The following ST3GAL2 variants were observed in gnomAD, a reference collection of about 807,000 sequenced individuals.
ST3GAL2 encodes ST3 beta-galactoside alpha-2,3-sialyltransferase 2, also known as CMP-N-acetylneuraminate-beta-galactosamide-alpha-2,3-sialyltransferase 2.
Under a neutral mutation model 37.5 loss-of-function variants are expected in ST3GAL2, and 16 were observed. That is an observed-to-expected ratio of 0.43 (90% confidence interval 0.29 to 0.65). ST3GAL2 has a LOEUF of 0.65. Among genes scored for constraint, ST3GAL2 ranks in the 30% least tolerant of loss-of-function variants. The pLI is 0.17. For missense variants in ST3GAL2, 383 were observed against 487.8 expected, an observed-to-expected ratio of 0.79 and a Z score of 2.02; for synonymous variants, 238 against 202.9, an observed-to-expected ratio of 1.17 and a Z score of -1.47.
rs1450606123 is a variant in ST3GAL2, at chr16:70,377,962, A to AATT, written c.*3726_*3727insAAT. 6.6e-6 allele frequency: 1 copy of AATT among 152,242 alleles called. No homozygotes were observed. The highest frequency in any genetic ancestry group is 1.5e-5 in the Non-Finnish European group (1 of 68,046). 9.4% of individuals were successfully genotyped at this position (152,242 alleles called of 1,614,324 possible). A position where few individuals can be genotyped will look rare whatever the true frequency, so the allele number is the denominator to read the frequency against. Reference sequence around the variant, plus strand: ...TAACTTCCCTTCCCACAACGTCACTAAAGCTATGGGAAAGGAATGAAAAAG... The same window carrying AATT: ...TAACTTCCCTTCCCACAACGTCACTAATTAAGCTATGGGAAAGGAATGAAAAAG... On this transcript the variant is annotated 3_prime_UTR_variant, in exon 7 of 7. Transcript: ENST00000342907.
intron 1 of ST3GAL2, among the ~76,000 whole-genome samples, chr16:70,412,574 G>A (rs2047646550): frequency 6.6e-6 from 1 of 152,146 alleles, no homozygotes; most frequent in Non-Finnish European, 1.5e-5. Flanking sequence ...AGCCTGGCAG[G>A]TCAAGGCCAC....
chr16:70,394,208 G>A (rs922296573), intron 3 of ST3GAL2, among the ~76,000 whole-genome samples: 2 of 152,164 alleles, frequency 1.3e-5, no homozygotes, highest in African/African-American at 4.8e-5. Flanking sequence ...GGGAATGAAT[G>A]AGCCCTAGAG....
At chr16:70,388,292 C>T (rs1170838447) in intron 4 of ST3GAL2, 75 bp downstream of exon 4, 2 of 1,579,096 alleles carry the variant, frequency 1.3e-6, no homozygotes, top group East Asian at 4.5e-5. Flanking sequence ...AGGAATCCTA[C>T]AATCTGGCCC....
At chr16:70,410,786 A>G (rs1192685441) in intron 1 of ST3GAL2, among the ~76,000 whole-genome samples, 3 of 148,502 alleles carry the variant, frequency 2.0e-5, no homozygotes, top group Non-Finnish European at 4.5e-5. Context: ...AAAAAAAAAA[A>G]TTAAAAGCCC....
At chr16:70,420,614 A>G (rs2047708530) in intron 1 of ST3GAL2, among the ~76,000 whole-genome samples, 1 of 152,232 alleles carries the variant, frequency 6.6e-6, no homozygotes, top group Non-Finnish European at 1.5e-5. Flanking sequence ...TGGAAGGGGA[A>G]TAACAGGGCA....
rs570307081 is a variant in ST3GAL2, at chr16:70,381,144, G to A, written c.*545C>T. ...GCAGCCATCCCACAGCGCGGCCGAG[G>A]TGGGACTGGGGGTCCCGCAGCGACC... On this transcript the variant is annotated 3_prime_UTR_variant, in exon 7 of 7. Transcript: ENST00000342907. 13 of 152,606 alleles carry A rather than the reference G, an allele frequency of 8.5e-5. No individual in the cohort carries two copies. In the East Asian group the frequency reaches 2.3e-3, roughly 27 times the overall value. The allele number at this position is 152,606 out of a possible 1,614,324, so 9.5% of individuals were successfully genotyped here.
chr16:70,425,650 T>C (rs762329375), intron 1 of ST3GAL2, among the ~76,000 whole-genome samples: 10 of 150,740 alleles, frequency 6.6e-5, no homozygotes, highest in East Asian at 1.9e-4. Flanking sequence ...ACCCGAGAGG[T>C]GGAAGCTGCA....
intron 6 of ST3GAL2, 137 bp from the exon 7 acceptor site, chr16:70,381,999 A>G (rs1323711562): frequency 1.0e-6 from 1 of 974,754 alleles, no homozygotes; most frequent in East Asian, 2.5e-5. Flanking sequence ...GCCTAAGGAC[A>G]TGGACTCACA....
At chr16:70,385,821 A>C (rs2047439160) in intron 4 of ST3GAL2, among the ~76,000 whole-genome samples, 1 of 141,674 alleles carries the variant, frequency 7.1e-6, no homozygotes, top group Non-Finnish European at 1.5e-5. Flanking sequence ...CGATCCTCCC[A>C]CCTCATCCTT....
intron 1 of ST3GAL2, among the ~76,000 whole-genome samples, chr16:70,413,250 C>T (rs915518884): frequency 2.9e-5 from 3 of 104,868 alleles, no homozygotes; most frequent in Admixed American, 2.0e-4. Context: ...AACTCTGTCT[C>T]AAAAAAAAAA....
chr16:70,394,820 T>A (rs941211686), intron 3 of ST3GAL2, among the ~76,000 whole-genome samples, 162 bp downstream of exon 3: 1 of 152,044 alleles, frequency 6.6e-6, no homozygotes, highest in Admixed American at 6.6e-5. Context: ...CCCAAACAGG[T>A]AAAGGAGAGA....
intron 1 of ST3GAL2, among the ~76,000 whole-genome samples, chr16:70,419,289 G>C (rs939579051): frequency 6.6e-6 from 1 of 152,240 alleles, no homozygotes; most frequent in Non-Finnish European, 1.5e-5. Flanking sequence ...TTGCGGCCCA[G>C]AGTTGAAGGA....
chr16:70,376,765 C>T lies in ST3GAL2; in HGVS notation c.*4924G>A, dbSNP rs2047348918. 6.6e-6 allele frequency: 1 copy of T among 150,670 alleles called. No individual in the cohort carries two copies. The highest frequency in any genetic ancestry group is 1.5e-5 in the Non-Finnish European group (1 of 67,746). 9.3% of individuals were successfully genotyped at this position (150,670 alleles called of 1,614,324 possible). On this transcript the variant is annotated 3_prime_UTR_variant, in exon 7 of 7. Transcript: ENST00000342907. ...GTAAAATACTTTTTTTTTTTTGAGA[C>T]GGAGTCTTACTCTGTCGCTCAGGCT...
At chr16:70,405,884 C>T (rs1217890644) in intron 1 of ST3GAL2, among the ~76,000 whole-genome samples, 1 of 151,644 alleles carries the variant, frequency 6.6e-6, no homozygotes, top group Non-Finnish European at 1.5e-5. Flanking sequence ...CATGGTGAAA[C>T]CCCGTCTCTA....
At position 70,382,867 on chromosome 16, in the gene ST3GAL2, G is replaced by T; in HGVS notation, c.817C>A (p.His273Asn). 1.2e-6 allele frequency: 2 copies of T among 1,614,140 alleles called. No homozygotes were observed. Among genetic ancestry groups the T allele is most frequent in the South Asian group, 2.2e-5 (2 of 91,076 alleles). Residue 273 changes from histidine (H) to asparagine (N), a missense_variant, in exon 6 of 7, where the codon CAC (histidine) becomes AAC (asparagine). His to Asn is a moderately conservative substitution (Grantham distance 68). Around this residue, in one of 2 missense-constraint regions of ST3GAL2, gnomAD observed 160 missense variants for 248.6 expected, o/e 0.64. Coordinates refer to ENST00000342907, the MANE Select transcript of ST3GAL2 (RefSeq NM_006927.4). ...ATCCCCGTGGAAGGGTACCGCCCGT[G>T]ATGCTCTGTCCACCTGTCGTGGATA... is the stretch of plus-strand genomic sequence containing the variant. Reference protein sequence around the residue: ...KYIHDRWTEHHGRYPSTGMLV... With the variant: ...KYIHDRWTEHNGRYPSTGMLV...
In ST3GAL2 at chr16:70,376,683, C is replaced by A. The variant is rs1464380976; in HGVS notation, c.*5006G>T. On this transcript the variant is annotated 3_prime_UTR_variant, in exon 7 of 7. Coordinates refer to ENST00000342907, the MANE Select transcript of ST3GAL2 (RefSeq NM_006927.4). ...TTCAGTATTTTACCTTCCCTGATGC[C>A]TCTGACCTTGCCAGACAGTCACAGA... 1.3e-5 allele frequency: 2 copies of A among 152,128 alleles called. No homozygotes were observed. Among genetic ancestry groups the A allele is most frequent in the East Asian group, 3.8e-4 (2 of 5,200 alleles). 9.4% of individuals were successfully genotyped at this position (152,128 alleles called of 1,614,324 possible).
chr16:70,387,508 T>C (rs140121682), intron 4 of ST3GAL2, among the ~76,000 whole-genome samples: 122 of 152,096 alleles, frequency 8.0e-4, no homozygotes, highest in Non-Finnish European at 1.4e-3. Context: ...TGAGCCAAGA[T>C]TGCGCCACTG....
intron 5 of ST3GAL2, 122 bp downstream of exon 5, chr16:70,383,068 A>G (rs2047417260): frequency 2.5e-6 from 4 of 1,576,010 alleles, no homozygotes; most frequent in Non-Finnish European, 1.7e-6. Context: ...AGGGTCAGGC[A>G]TCTCGGCAGA....
chr16:70,394,207 T>C (rs1209860132), intron 3 of ST3GAL2, among the ~76,000 whole-genome samples: 2 of 152,186 alleles, frequency 1.3e-5, no homozygotes, highest in Non-Finnish European at 2.9e-5. Flanking sequence ...TGGGAATGAA[T>C]GAGCCCTAGA....
Sources: gnomAD v4.1 joint callset for allele counts (sites outside exome capture counted in the v4.1 genomes callset) on GRCh38, gnomAD v4.1.1 for gene constraint, gnomAD v4.1.1 regional missense constraint, MANE v1.5 for transcripts, NCBI Gene and HGNC (gene_info 2026-07-23, HGNC 2026-07-21) for gene names.